The following PECR variants were observed in gnomAD, a reference collection of about 807,000 sequenced individuals.
PECR encodes 2,4-dienoyl-CoA reductase-related protein.
PECR carries 30 observed loss-of-function variants against 35.3 expected under a neutral mutation model. The observed-to-expected ratio is 0.85, with a 90% CI of 0.64 to 1.15. PECR has a LOEUF of 1.15. Ranked by LOEUF, PECR falls within the 50% of genes most tolerant of loss-of-function variation. PECR has a pLI of 0.00. For missense variants in PECR, 392 were observed against 370.8 expected (o/e 1.06, Z -0.47); for synonymous variants, 148 against 138.9 (o/e 1.07, Z -0.46).
intron 7 of PECR, among the ~76,000 whole-genome samples, chr2:216,030,575 G>A (rs925514228): frequency 6.6e-6 from 1 of 151,426 alleles, no homozygotes; most frequent in African/African-American, 2.4e-5. Flanking sequence ...ACGGGGTCTC[G>A]CCCTGTCACC....
intron 1 of PECR, among the ~76,000 whole-genome samples, chr2:216,078,536 C>G (rs1359673910): frequency 6.7e-6 from 1 of 148,334 alleles, no homozygotes; most frequent in Non-Finnish European, 1.5e-5. Flanking sequence ...TGCAGTGAGC[C>G]GAGATTGCGC....
chr2:216,052,877 A>G (rs896820840), intron 4 of PECR, among the ~76,000 whole-genome samples: 3 of 152,126 alleles, frequency 2.0e-5, no homozygotes, highest in Admixed American at 6.6e-5. Flanking sequence ...TTTTTCAGAC[A>G]GAGTCTCGCT....
At chr2:216,033,294 A>G (rs1694738713) in intron 7 of PECR, among the ~76,000 whole-genome samples, 1 of 152,142 alleles carries the variant, frequency 6.6e-6, no homozygotes, top group African/African-American at 2.4e-5. Flanking sequence ...TAAATAAAAA[A>G]TAATAACAAC....
chr2:216,075,217 T>C (rs980361221), intron 1 of PECR, among the ~76,000 whole-genome samples: 2 of 152,052 alleles, frequency 1.3e-5, no homozygotes. Flanking sequence ...CAGTGAGCTA[T>C]GATGACACTA....
At chr2:216,069,397 G>A (rs11887953) in intron 1 of PECR, among the ~76,000 whole-genome samples, 253 of 152,166 alleles carry the variant, frequency 1.7e-3, no homozygotes, top group African/African-American at 5.7e-3. Flanking sequence ...ATGATCTAAG[G>A]GGGGACTGGC....
At chr2:216,047,758 T>C (rs1177039008) in intron 6 of PECR, among the ~76,000 whole-genome samples, 2 of 120,254 alleles carry the variant, frequency 1.7e-5, no homozygotes, top group African/African-American at 7.8e-5. Context: ...AATTTTTGCA[T>C]ACATATTTTT....
intron 3 of PECR, among the ~76,000 whole-genome samples, chr2:216,061,063 G>A (rs986290775): frequency 6.6e-4 from 99 of 150,372 alleles, no homozygotes; most frequent in African/African-American, 1.9e-3. Flanking sequence ...AGGCAGAGGC[G>A]GATGGATGGC....
At chr2:216,031,475 G>GAAAGAGAA (rs373434476) in intron 7 of PECR, among the ~76,000 whole-genome samples, 2 of 132,816 alleles carry the variant, frequency 1.5e-5, no homozygotes, top group Admixed American at 8.1e-5. Flanking sequence ...AAGAAAGAAA[G>GAAAGAGAA]AGAAAGAAAG....
intron 4 of PECR, among the ~76,000 whole-genome samples, chr2:216,056,124 T>C (rs1395644961): frequency 6.6e-6 from 1 of 152,146 alleles, no homozygotes; most frequent in African/African-American, 2.4e-5. Context: ...GTAGACTCCC[T>C]CAGAGTGTGG....
At position 216,043,069 on chromosome 2, in the gene PECR, A is replaced by ACG. The variant is rs1553560236; in HGVS notation, c.826+834_826+835insCG. Among the ~76,000 whole-genome samples, 9 of 41,750 alleles carry ACG rather than the reference A, an allele frequency of 2.2e-4. 1 individual carries two copies. The highest frequency in any genetic ancestry group is 3.6e-4 in the Non-Finnish European group (8 of 22,482). 27.4% of individuals were successfully genotyped at this position (41,750 alleles called of 152,430 possible). On this transcript the variant is annotated intron_variant, in intron 7 of 7. Coordinates refer to ENST00000265322, the MANE Select transcript of PECR (RefSeq NM_018441.6). Reference sequence around the variant, plus strand: ...TATATATACACATACGTATATATGTATGTATATATATACACATACATATAT... The same window carrying ACG: ...TATATATACACATACGTATATATGTACGTGTATATATATACACATACATATAT...
chr2:216,066,579 A>T, intron 1 of PECR, 61 bp from the exon 2 acceptor site: 1 of 1,511,840 alleles, frequency 6.6e-7, no homozygotes, highest in South Asian at 1.1e-5. Context: ...TGACCACATT[A>T]CACCTTGAAA....
intron 1 of PECR, among the ~76,000 whole-genome samples, chr2:216,072,474 T>A (rs1209980898): frequency 6.6e-6 from 1 of 152,198 alleles, no homozygotes; most frequent in Non-Finnish European, 1.5e-5. Flanking sequence ...ACCTGAATAG[T>A]GGCCACTGTA....
intron 7 of PECR, among the ~76,000 whole-genome samples, chr2:216,030,999 G>A (rs1360076612): frequency 1.6e-5 from 2 of 127,432 alleles, no homozygotes; most frequent in Non-Finnish European, 3.4e-5. Context: ...CACACACTCT[G>A]TCCCTGCTCT....
intron 1 of PECR, among the ~76,000 whole-genome samples, chr2:216,072,436 G>A (rs762386436): frequency 6.6e-6 from 1 of 152,116 alleles, no homozygotes; most frequent in Admixed American, 6.5e-5. Flanking sequence ...GTGTAGTTTT[G>A]TTACATGGGG....
intron 7 of PECR, among the ~76,000 whole-genome samples, chr2:216,040,457 T>C (rs747991809): frequency 2.6e-5 from 4 of 152,048 alleles, no homozygotes; most frequent in Non-Finnish European, 4.4e-5. Context: ...TTTTGCCAGG[T>C]TGCCCAGGCT....
chr2:216,058,997 C>G (rs745801486), intron 3 of PECR, 21 bp from the exon 4 acceptor site: 10 of 1,501,716 alleles, frequency 6.7e-6, no homozygotes, highest in Non-Finnish European at 9.3e-6. Context: ...GAGGCAAACT[C>G]AATCATTAAA....
chr2:216,079,916 G>A (rs368613733), intron 1 of PECR, among the ~76,000 whole-genome samples: 3 of 146,788 alleles, frequency 2.0e-5, no homozygotes, highest in South Asian at 4.3e-4. Context: ...AGGAGGCGGA[G>A]GTTGCAGTGA....
At position 216,043,940 on chromosome 2, in the gene PECR, C is replaced by T. The variant is rs1559208291; in HGVS notation, c.790G>A (p.Gly264Ser). 6.2e-7 allele frequency: 1 copy of T among 1,611,224 alleles called. No homozygotes were observed. Among genetic ancestry groups the T allele is most frequent in the South Asian group, 1.1e-5 (1 of 91,020 alleles). The change falls in exon 7 of 8, where the codon GGC (glycine) becomes AGC (serine). Residue 264 changes from glycine (G) to serine (S), a missense_variant. Transcript: ENST00000265322. Reference protein sequence around the residue: ...ITGQSVDVDGGRSLYTHSYEV... With the variant: ...ITGQSVDVDGSRSLYTHSYEV... ...TACGAGTGAGTATAGAGACTCCGGCCCCCATCCACATCCACCGACTGTCCA... is the reference window on the plus strand; with the variant it reads ...TACGAGTGAGTATAGAGACTCCGGCTCCCATCCACATCCACCGACTGTCCA...
At chr2:216,035,597 C>A (rs139775330), downstream of PECR, among the ~76,000 whole-genome samples, 1 of 152,106 alleles carries the variant, frequency 6.6e-6, no homozygotes, top group East Asian at 1.9e-4. Flanking sequence ...AGTGATTCTC[C>A]TGCCTTAGCT....
Sources: gnomAD v4.1 joint callset for allele counts (sites outside exome capture counted in the v4.1 genomes callset) on GRCh38, gnomAD v4.1.1 for gene constraint, MANE v1.5 for transcripts, NCBI Gene and HGNC (gene_info 2026-07-23, HGNC 2026-07-21) for gene names.